Variants in SLC30A4 observed in about 807,000 individuals in gnomAD.
SLC30A4 encodes probable proton-coupled zinc antiporter SLC30A4.
A neutral mutation model predicts 41.7 loss-of-function variants in SLC30A4; 20 were observed. The ratio of observed to expected loss-of-function variants is 0.48; its 90% CI spans 0.34 to 0.70. The LOEUF (loss-of-function observed/expected upper bound fraction) is 0.70. SLC30A4 is among the 30% of genes least tolerant of loss of function. SLC30A4 has a pLI of 0.01. For synonymous variants in SLC30A4, 181 were observed against 195.9 expected (o/e 0.92, Z 0.64); for missense variants, 441 against 529.3 (o/e 0.83, Z 1.64).
At position 45,487,550 on chromosome 15, in the gene SLC30A4, T is replaced by A; in HGVS notation, c.977A>T (p.Asp326Val). The A allele has an allele frequency of 2.0e-6, 3 of 1,515,756 alleles. No homozygotes were observed. Among genetic ancestry groups the A allele is most frequent in the African/African-American group, 2.8e-5 (2 of 72,644 alleles). The allele number at this position is 1,515,756 out of a possible 1,614,324, so 93.9% of individuals were successfully genotyped here. ...VAFTTFRIIW[D>V]TVVIILEGVP... ...ACCTTCTAGTATTATAACTACTGTA[T>A]CCCATATGATTCGAAATGTTGTAAA... Residue 326 changes from aspartate (D) to valine (V), a missense_variant, in exon 6 of 8, where the codon GAT (aspartate) becomes GTT (valine). Transcript: ENST00000261867.
At chr15:45,496,673 C>A (rs1042478089) in intron 3 of SLC30A4, among the ~76,000 whole-genome samples, 4 of 151,840 alleles carry the variant, frequency 2.6e-5, no homozygotes, top group Non-Finnish European at 5.9e-5. Context: ...GGTCATCTTT[C>A]AATCAAAATA....
intron 3 of SLC30A4, among the ~76,000 whole-genome samples, chr15:45,501,151 CA>C (rs1170205960): frequency 2.0e-5 from 3 of 151,206 alleles, no homozygotes; most frequent in African/African-American, 7.3e-5. Flanking sequence ...ACTAAAAATA[CA>C]AAAAAATTAG....
rs1401393306 is a variant in SLC30A4, at chr15:45,480,119, C to T, written c.*5044G>A. 1 of 152,142 alleles carries T rather than the reference C, an allele frequency of 6.6e-6. No homozygotes were observed. The highest frequency in any genetic ancestry group is 1.5e-5 in the Non-Finnish European group (1 of 68,032). The allele number at this position is 152,142 out of a possible 1,614,324, so 9.4% of individuals were successfully genotyped here. A position where few individuals can be genotyped will look rare whatever the true frequency, so the allele number is the denominator to read the frequency against. On this transcript the variant is annotated 3_prime_UTR_variant, in exon 8 of 8. Coordinates refer to ENST00000261867, the MANE Select transcript of SLC30A4 (RefSeq NM_013309.6). ...AGTTATCTGAGAATATACTAAATTGCACTATTTAAGTGGACACTGTCATAG... is the reference window on the plus strand; with the variant it reads ...AGTTATCTGAGAATATACTAAATTGTACTATTTAAGTGGACACTGTCATAG...
At chr15:45,519,061 A>T (rs1892584940) in intron 2 of SLC30A4, among the ~76,000 whole-genome samples, 1 of 151,116 alleles carries the variant, frequency 6.6e-6, no homozygotes, top group Admixed American at 6.6e-5. Flanking sequence ...TTGTATTTTT[A>T]GTAGAGATGG....
At chr15:45,496,089 A>T (rs1244741869) in intron 3 of SLC30A4, among the ~76,000 whole-genome samples, 2 of 152,230 alleles carry the variant, frequency 1.3e-5, no homozygotes, top group Admixed American at 1.3e-4. Context: ...GTTAGGGCTG[A>T]GATTTATAAT....
rs1746471704 is a variant in SLC30A4 at position 45,522,030 on chromosome 15, T to G, written c.325A>C (p.Lys109Gln). The G allele has an allele frequency of 6.2e-7, 1 of 1,614,094 alleles. No homozygotes were observed. The highest frequency in any genetic ancestry group is 8.5e-7 in the Non-Finnish European group (1 of 1,180,038). The change falls in exon 2 of 8, where the codon AAG becomes CAG. Residue 109 changes from lysine (K) to glutamine (Q), a missense_variant. Around this residue, in one of 3 missense-constraint regions of SLC30A4, gnomAD observed 312 missense variants for 341.9 expected, o/e 0.91. Transcript: ENST00000261867. ...SKQREILKQR[K>Q]VKARLTIAAV... Reference sequence around the variant, plus strand: ...GCAATGGTCAACCTGGCTTTCACCTTTCTCTGCTTCAGTATCTCTCTCTGT... The same window carrying G: ...GCAATGGTCAACCTGGCTTTCACCTGTCTCTGCTTCAGTATCTCTCTCTGT...
At position 45,490,716 on chromosome 15, in the gene SLC30A4, A is replaced by C. The variant is rs1566875773; in HGVS notation, c.692+12T>G. The C allele has an allele frequency of 6.3e-7, 1 of 1,576,112 alleles. No homozygotes were observed. The highest frequency in any genetic ancestry group is 2.2e-5 in the East Asian group (1 of 44,546). ...TACTTGAAAATATTAATGTGAAAAAAATAGAGCTTACATTACATTAACTGC... is the reference window on the plus strand; with the variant it reads ...TACTTGAAAATATTAATGTGAAAAACATAGAGCTTACATTACATTAACTGC... On this transcript the variant is annotated intron_variant, in intron 4 of 7. Transcript: ENST00000261867.
At chr15:45,520,637 G>A (rs1295076867) in intron 2 of SLC30A4, among the ~76,000 whole-genome samples, 2 of 152,164 alleles carry the variant, frequency 1.3e-5, no homozygotes, top group Admixed American at 1.3e-4. Context: ...TTTGGGAAAG[G>A]CAGTCTATGT....
intron 3 of SLC30A4, among the ~76,000 whole-genome samples, chr15:45,492,659 A>G (rs2140819134): frequency 6.6e-6 from 1 of 152,294 alleles, no homozygotes; most frequent in East Asian, 1.9e-4. Flanking sequence ...TTATTCTGGT[A>G]AGGAATAATG....
intron 3 of SLC30A4, among the ~76,000 whole-genome samples, chr15:45,492,616 G>A (rs1255668702): frequency 1.3e-5 from 2 of 151,946 alleles, no homozygotes; most frequent in Non-Finnish European, 2.9e-5. Flanking sequence ...CTTGTAAGGT[G>A]GAATACTATG....
intron 6 of SLC30A4, 89 bp downstream of exon 6, chr15:45,487,438 A>G: frequency 1.5e-6 from 1 of 671,672 alleles, no homozygotes; most frequent in Non-Finnish European, 2.7e-6. Flanking sequence ...AAAAAGCAAA[A>G]GATGTAATTC....
chr15:45,494,326 T>TA (rs1206625385), intron 3 of SLC30A4, among the ~76,000 whole-genome samples: 2 of 151,892 alleles, frequency 1.3e-5, no homozygotes, highest in African/African-American at 2.4e-5. Context: ...GTAAGCCAAA[T>TA]AAAAAAAACA....
chr15:45,496,512 T>C (rs1474241125), intron 3 of SLC30A4, among the ~76,000 whole-genome samples: 1 of 152,146 alleles, frequency 6.6e-6, no homozygotes, highest in African/African-American at 2.4e-5. Context: ...CAATTAAAAT[T>C]CTGGATTTCT....
At chr15:45,485,859 A>C (rs1018914997) in intron 7 of SLC30A4, among the ~76,000 whole-genome samples, 17 of 151,874 alleles carry the variant, frequency 1.1e-4, no homozygotes, top group Non-Finnish European at 1.9e-4. Context: ...CTGGGATTAC[A>C]GGCACGTGTC....
At chr15:45,489,527 T>C (rs552734950) in intron 4 of SLC30A4, among the ~76,000 whole-genome samples, 167 of 147,518 alleles carry the variant, frequency 1.1e-3, no homozygotes, top group African/African-American at 3.9e-3. Context: ...CAGAATAAAG[T>C]GAGCAAAAGT....
At chr15:45,518,405 T>C (rs1209827572) in intron 2 of SLC30A4, among the ~76,000 whole-genome samples, 1 of 152,204 alleles carries the variant, frequency 6.6e-6, no homozygotes, top group East Asian at 1.9e-4. Context: ...TCGTTCTCCA[T>C]TGTACATTCA....
At chr15:45,517,675 G>A (rs1048173702) in intron 2 of SLC30A4, among the ~76,000 whole-genome samples, 26 of 151,910 alleles carry the variant, frequency 1.7e-4, no homozygotes, top group African/African-American at 6.3e-4. Flanking sequence ...TTGGCCAGGC[G>A]CGGTGGCTCA....
intron 3 of SLC30A4, among the ~76,000 whole-genome samples, chr15:45,508,173 T>A (rs1458945941): frequency 1.3e-5 from 2 of 152,060 alleles, no homozygotes; most frequent in Non-Finnish European, 2.9e-5. Flanking sequence ...ATAACTATAT[T>A]CCTTTAGGAT....
At chr15:45,519,614 ATTGT>A (rs1892603751) in intron 2 of SLC30A4, 1 of 152,206 alleles carries the variant, frequency 6.6e-6, no homozygotes, top group Non-Finnish European at 1.5e-5. Context: ...TCATCTCTGT[ATTGT>A]TTAACAAAAT....
Sources: allele counts gnomAD v4.1 joint callset (sites outside exome capture counted in the v4.1 genomes callset), GRCh38; gene constraint gnomAD v4.1.1; regional missense constraint gnomAD v4.1.1; transcripts MANE v1.5; gene names NCBI Gene and HGNC (gene_info 2026-07-23, HGNC 2026-07-21).